Variants in RGS7 observed in about 807,000 individuals in gnomAD.
The protein encoded by RGS7 is regulator of G-protein signaling 7.
A neutral mutation model predicts 81.1 loss-of-function variants in RGS7; 27 were observed. The observed-to-expected ratio is 0.33, with a 90% CI of 0.25 to 0.46. The LOEUF is 0.46. Among genes scored for constraint, RGS7 ranks in the 20% least tolerant of loss-of-function variants. The pLI is 1.00. For missense variants in RGS7, 396 were observed against 607.4 expected, an observed-to-expected ratio of 0.65 and a Z score of 3.66; for synonymous variants, 208 against 207.7, an observed-to-expected ratio of 1.00 and a Z score of -0.01.
At chr1:240,996,574 T>C (rs188377567) in intron 3 of RGS7, among the ~76,000 whole-genome samples, 1 of 152,352 alleles carries the variant, frequency 6.6e-6, no homozygotes, top group Admixed American at 6.5e-5. Context: ...CTTCCACTTT[T>C]CCTTGTGGTG....
intron 2 of RGS7, among the ~76,000 whole-genome samples, chr1:241,114,824 G>T (rs1029315708): frequency 2.6e-5 from 4 of 152,136 alleles, no homozygotes; most frequent in African/African-American, 4.8e-5. Flanking sequence ...CTTTGTTTTT[G>T]TGATTATAGA....
chr1:241,053,356 T>G (rs1440606548), intron 3 of RGS7, among the ~76,000 whole-genome samples: 1 of 152,178 alleles, frequency 6.6e-6, no homozygotes, highest in Non-Finnish European at 1.5e-5. Flanking sequence ...AGATCTTTGC[T>G]TAATTTGCTT....
At chr1:241,019,992 T>C (rs1426877709) in intron 3 of RGS7, among the ~76,000 whole-genome samples, 1 of 152,162 alleles carries the variant, frequency 6.6e-6, no homozygotes, top group Non-Finnish European at 1.5e-5. Flanking sequence ...TTCAAAAGAG[T>C]GATGACTTCT....
chr1:240,793,611 A>ATTTTTTTTTTTTTT (rs1205854418), intron 18 of RGS7, among the ~76,000 whole-genome samples: 2 of 78,872 alleles, frequency 2.5e-5, no homozygotes, highest in African/African-American at 1.9e-4. Flanking sequence ...ATATATATAT[A>ATTTTTTTTTTTTTT]TTTTTTTTTT....
intron 6 of RGS7, chr1:240,920,445 T>A: frequency 8.8e-7 from 1 of 1,141,564 alleles, no homozygotes; most frequent in South Asian, 1.2e-5. Flanking sequence ...TTTTGGCAAT[T>A]ACAACAATCA....
chr1:240,942,288 C>T (rs6682702), intron 4 of RGS7, among the ~76,000 whole-genome samples: 17,225 of 152,194 alleles, frequency 0.11, 2,128 homozygotes, highest in African/African-American at 0.31. Flanking sequence ...AATCGGTTAG[C>T]TCACGGTGCT....
intron 9 of RGS7, among the ~76,000 whole-genome samples, chr1:240,858,213 T>A (rs547274135): frequency 6.6e-6 from 1 of 152,330 alleles, no homozygotes; most frequent in East Asian, 1.9e-4. Flanking sequence ...ATTTGTAGGT[T>A]TTTGTGTGAA....
chr1:241,147,783 TATATATATATATATA>T (rs2068435610), intron 2 of RGS7, among the ~76,000 whole-genome samples: 1 of 90,584 alleles, frequency 1.1e-5, no homozygotes. Flanking sequence ...TTAAGTTTTA[TATATATATATATATA>T]TATATATATA....
chr1:240,855,308 C>CAAAAAAAAAAAAAAAAAAAAAAA (rs758331434), intron 9 of RGS7, among the ~76,000 whole-genome samples: 1 of 14,922 alleles, frequency 6.7e-5, no homozygotes, highest in African/African-American at 1.8e-4. Flanking sequence ...GACCATGTCT[C>CAAAAAAAAAAAAAAAAAAAAAAA]AAAAAAAAAA....
At chr1:240,882,609 C>T (rs916537215) in intron 6 of RGS7, among the ~76,000 whole-genome samples, 7 of 152,092 alleles carry the variant, frequency 4.6e-5, no homozygotes, top group Non-Finnish European at 8.8e-5. Context: ...AACGTGAAGG[C>T]AGTGGCAATG....
At chr1:240,985,103 T>C (rs981180775) in intron 3 of RGS7, among the ~76,000 whole-genome samples, 4 of 152,198 alleles carry the variant, frequency 2.6e-5, no homozygotes, top group Non-Finnish European at 2.9e-5. Flanking sequence ...GTGTTCAACC[T>C]TATAGTCTTA....
At chr1:240,997,527 T>A (rs948024084) in intron 3 of RGS7, among the ~76,000 whole-genome samples, 1 of 152,032 alleles carries the variant, frequency 6.6e-6, no homozygotes, top group African/African-American at 2.4e-5. Context: ...ATCAAAACAA[T>A]CAAAAAAATT....
At chr1:241,241,641 CT>C (rs2076262064) in intron 2 of RGS7, among the ~76,000 whole-genome samples, 1 of 152,002 alleles carries the variant, frequency 6.6e-6, no homozygotes, top group Non-Finnish European at 1.5e-5. Flanking sequence ...ATTTTGTGAC[CT>C]CAAAGTATTC....
At chr1:240,825,561 T>C (rs1219391988) in intron 10 of RGS7, among the ~76,000 whole-genome samples, 1 of 152,214 alleles carries the variant, frequency 6.6e-6, no homozygotes, top group Non-Finnish European at 1.5e-5. Context: ...TAGACAGCTC[T>C]GGAGTGAGGC....
rs369670152 is a variant in RGS7, at chr1:240,950,206, A to G, written c.227-13500T>C. Among the ~76,000 whole-genome samples, 21 of 152,260 alleles carry G rather than the reference A, an allele frequency of 1.4e-4. 1 individual carries two copies. The highest frequency in any genetic ancestry group is 4.6e-4 in the Admixed American group (7 of 15,302). On this transcript the variant is annotated intron_variant, in intron 4 of 18. Transcript: ENST00000440928. ...GGCTCATAGTGTTGGTGGGGAATGG[A>G]GCACATGCCTTCATGAGCTACACTT... is the stretch of plus-strand genomic sequence containing the variant.
intron 9 of RGS7, among the ~76,000 whole-genome samples, chr1:240,855,290 CAG>C (rs2147950495): frequency 1.0e-5 from 1 of 95,900 alleles, no homozygotes; most frequent in African/African-American, 4.2e-5. Flanking sequence ...GCCTGGGCGA[CAG>C]AGTGAGACCA....
intron 10 of RGS7, among the ~76,000 whole-genome samples, chr1:240,822,161 C>CT (rs1691913452): frequency 1.3e-5 from 2 of 152,148 alleles, no homozygotes; most frequent in Admixed American, 1.3e-4. Context: ...AGTTGAAGTC[C>CT]TTAATAGAAC....
At chr1:241,284,656 G>A (rs1328035181) in intron 2 of RGS7, among the ~76,000 whole-genome samples, 3 of 152,124 alleles carry the variant, frequency 2.0e-5, no homozygotes, top group Admixed American at 6.5e-5. Flanking sequence ...CCAGTGACAG[G>A]AACAAAAGTC....
chr1:241,079,275 T>C (rs933338252), intron 3 of RGS7, among the ~76,000 whole-genome samples: 4 of 152,176 alleles, frequency 2.6e-5, no homozygotes, highest in African/African-American at 9.7e-5. Context: ...ACATCAGCTG[T>C]CCTATGAGAA....
Sources: gnomAD v4.1 joint callset for allele counts (sites outside exome capture counted in the v4.1 genomes callset) on GRCh38, gnomAD v4.1.1 for gene constraint, MANE v1.5 for transcripts, NCBI Gene and HGNC (gene_info 2026-07-23, HGNC 2026-07-21) for gene names.